Variants in PUDP observed in about 807,000 individuals in gnomAD.
PUDP encodes pseudouridine 5'-phosphatase.
A neutral mutation model predicts 9.4 loss-of-function variants in PUDP; 8 were observed. The observed-to-expected ratio is 0.85, with a 90% CI of 0.50 to 1.53. The LOEUF (loss-of-function observed/expected upper bound fraction) is 1.53, where lower values mean the gene tolerates loss of function less well. PUDP is among the 40% of genes most tolerant of loss of function. The pLI, the probability that PUDP is intolerant of heterozygous loss-of-function variation, is 0.00. For synonymous variants in PUDP, 99 were observed against 80.7 expected (o/e 1.23, Z -1.22); for missense variants, 188 against 189.7 (o/e 0.99, Z 0.05).
chrX:6,752,722 G>A (rs1461737671), intron 3 of PUDP, among the ~76,000 whole-genome samples: 2 of 110,586 alleles, frequency 1.8e-5, no homozygotes, highest in African/African-American at 6.6e-5. Context: ...GATTCTGCCT[G>A]GATGATCATG....
intron 3 of PUDP, among the ~76,000 whole-genome samples, chrX:6,838,205 T>C (rs1470347675): frequency 1.8e-5 from 2 of 112,496 alleles, no homozygotes; most frequent in Non-Finnish European, 3.8e-5. Context: ...GAAAGTGCTA[T>C]ATGGTCAAGG....
At chrX:6,928,178 C>T (rs1928135802) in intron 3 of PUDP, among the ~76,000 whole-genome samples, 1 of 110,781 alleles carries the variant, frequency 9.0e-6, no homozygotes, top group African/African-American at 3.3e-5. Context: ...AGTGATCCAC[C>T]ACCCCGGCCT....
At chrX:6,831,855 C>T (rs1926508956) in intron 3 of PUDP, among the ~76,000 whole-genome samples, 1 of 111,522 alleles carries the variant, frequency 9.0e-6, no homozygotes, top group Non-Finnish European at 1.9e-5. Flanking sequence ...CCCAAACAAG[C>T]AAGACATAAT....
At chrX:6,881,315 A>G (rs1927343121) in intron 3 of PUDP, among the ~76,000 whole-genome samples, 1 of 112,230 alleles carries the variant, frequency 8.9e-6, no homozygotes, top group African/African-American at 3.2e-5. Context: ...AGAGCATCTT[A>G]TAAGTAAAGA....
intron 1 of PUDP, among the ~76,000 whole-genome samples, chrX:7,121,150 G>T (rs1262035341): frequency 3.6e-5 from 4 of 111,679 alleles, no homozygotes; most frequent in African/African-American, 1.3e-4. Context: ...GTTTTAAAAA[G>T]AAAAACTTAT....
At chrX:7,057,509 A>C (rs933946197) in intron 3 of PUDP, 1 of 551,126 alleles carries the variant, frequency 1.8e-6, no homozygotes, top group Non-Finnish European at 2.8e-6. Context: ...GCAATAGGGA[A>C]CTGGATGATA....
chrX:6,941,099 A>G (rs757572729), intron 3 of PUDP, among the ~76,000 whole-genome samples: 19 of 111,185 alleles, frequency 1.7e-4, no homozygotes, highest in Non-Finnish European at 2.8e-4. Context: ...ATGCTACAAT[A>G]GAGTGTAGTA....
intron 3 of PUDP, among the ~76,000 whole-genome samples, chrX:6,825,912 A>G (rs1926416651): frequency 1.8e-5 from 2 of 111,783 alleles, no homozygotes; most frequent in Middle Eastern, 9.2e-3. Context: ...AGGCGGCAAC[A>G]AGGCTGGGGT....
intron 3 of PUDP, among the ~76,000 whole-genome samples, chrX:6,962,578 C>T (rs1261820196): frequency 8.9e-6 from 1 of 112,176 alleles, no homozygotes; most frequent in Non-Finnish European, 1.9e-5. Flanking sequence ...ACAGTCTCTT[C>T]AAAATGCAAA....
intron 3 of PUDP, chrX:7,057,486 G>T (rs1356858562): frequency 1.5e-5 from 7 of 457,313 alleles, no homozygotes; most frequent in Non-Finnish European, 2.4e-5. Context: ...GGGATTAGAG[G>T]AAAAACTGAG....
At chrX:6,885,177 G>C (rs1391847612) in intron 3 of PUDP, among the ~76,000 whole-genome samples, 5 of 111,781 alleles carry the variant, frequency 4.5e-5, no homozygotes, top group African/African-American at 1.6e-4. Flanking sequence ...TGAGAACTTA[G>C]AGTCCAAGTC....
At chrX:6,871,670 C>A (rs1363975336) in intron 3 of PUDP, among the ~76,000 whole-genome samples, 2 of 111,238 alleles carry the variant, frequency 1.8e-5, no homozygotes, top group Non-Finnish European at 3.8e-5. Context: ...CCAGGGTGAC[C>A]AGTTGCCCTT....
chrX:7,001,036 T>C (rs1373514966), intron 1 of PUDP, among the ~76,000 whole-genome samples: 2 of 109,685 alleles, frequency 1.8e-5, no homozygotes, highest in African/African-American at 3.3e-5. Context: ...ATTCATTGTC[T>C]ACCTAAAAAA....
intron 3 of PUDP, among the ~76,000 whole-genome samples, chrX:6,841,692 G>C (rs1316057673): frequency 5.3e-5 from 6 of 112,235 alleles, no homozygotes; most frequent in Non-Finnish European, 1.1e-4. Flanking sequence ...GAGTTATTGA[G>C]ATGTGCATAA....
chrX:6,820,188 C>T (rs1926318524), intron 3 of PUDP, among the ~76,000 whole-genome samples: 1 of 109,816 alleles, frequency 9.1e-6, no homozygotes, highest in Non-Finnish European at 1.9e-5. Context: ...GAGACTTATT[C>T]ACTATCACGA....
chrX:7,147,834 G>A (rs1215242076), intron 1 of PUDP: 28 of 142,397 alleles, frequency 2.0e-4, no homozygotes, highest in Non-Finnish European at 3.6e-4. Flanking sequence ...CGTAGACGCC[G>A]CGGCCACGCG....
intron 1 of PUDP, among the ~76,000 whole-genome samples, chrX:7,124,389 C>T (rs1768458917): frequency 9.0e-6 from 1 of 111,404 alleles, no homozygotes; most frequent in Non-Finnish European, 1.9e-5. Context: ...AAAAGCACTG[C>T]GTGGAGGGAA....
chrX:6,917,865 C>T (rs750389644), intron 3 of PUDP, among the ~76,000 whole-genome samples: 5 of 111,784 alleles, frequency 4.5e-5, no homozygotes, highest in Non-Finnish European at 9.4e-5. Flanking sequence ...AAGAAAGGTC[C>T]GTGAGAACAT....
chrX:6,991,442 C>T (rs1929175175), intron 1 of PUDP, among the ~76,000 whole-genome samples: 1 of 110,619 alleles, frequency 9.0e-6, no homozygotes, highest in Admixed American at 9.7e-5. Flanking sequence ...CTTTGGGAGA[C>T]TGAGACAAGA....
Sources: gnomAD v4.1 joint callset for allele counts (sites outside exome capture counted in the v4.1 genomes callset) on GRCh38, gnomAD v4.1.1 for gene constraint, MANE v1.5 for transcripts, NCBI Gene and HGNC (gene_info 2026-07-23, HGNC 2026-07-21) for gene names.